The following CACNG5 variants were observed in gnomAD, a reference collection of about 807,000 sequenced individuals.
CACNG5 encodes voltage-dependent calcium channel gamma-5 subunit.
CACNG5 carries 18 observed loss-of-function variants against 24.8 expected under a neutral mutation model. The observed-to-expected ratio is 0.73, with a 90% CI of 0.50 to 1.08. The LOEUF (loss-of-function observed/expected upper bound fraction) is 1.08. Ranked by LOEUF, CACNG5 falls within the 50% of genes least tolerant of loss-of-function variation. The pLI is 0.00. For synonymous variants in CACNG5, 157 were observed against 149.1 expected, an observed-to-expected ratio of 1.05 and a Z score of -0.39; for missense variants, 349 against 367.9, an observed-to-expected ratio of 0.95 and a Z score of 0.42.
At chr17:66,870,214 T>C (rs1297953067) in intron 1 of CACNG5, among the ~76,000 whole-genome samples, 2 of 152,232 alleles carry the variant, frequency 1.3e-5, no homozygotes, top group Non-Finnish European at 1.5e-5. Flanking sequence ...GAGTTTCTCA[T>C]GCAGGTGCAG....
At chr17:66,849,742 G>A (rs8081678) in intron 1 of CACNG5, among the ~76,000 whole-genome samples, 11,707 of 152,206 alleles carry the variant, frequency 0.077, 864 homozygotes, top group African/African-American at 0.19. Flanking sequence ...AAGGAGCCAC[G>A]GAGGTCACAA....
At chr17:66,846,671 G>A (rs893946615) in intron 1 of CACNG5, among the ~76,000 whole-genome samples, 1 of 152,144 alleles carries the variant, frequency 6.6e-6, no homozygotes, top group African/African-American at 2.4e-5. Flanking sequence ...GCTACCACAC[G>A]AATGGAAATT....
At chr17:66,879,134 C>A (rs1377336557) in intron 3 of CACNG5, 76 bp downstream of exon 3, 3 of 1,093,588 alleles carry the variant, frequency 2.7e-6, no homozygotes, top group Non-Finnish European at 4.2e-6. Context: ...AGTCAGTGTG[C>A]CAGCATATTT....
rs918177388 is a variant in CACNG5 at position 66,879,113 on chromosome 17, G to A, written c.283+55G>A. 7 of 1,310,170 alleles carry A rather than the reference G, an allele frequency of 5.3e-6. No individual in the cohort carries two copies. In the African/African-American group the frequency reaches 1.0e-4, roughly 19 times the overall value. 81.2% of individuals were successfully genotyped at this position (1,310,170 alleles called of 1,614,324 possible). ...CACTGGCTGGACAGAGAGGAGCAAG[G>A]CAGAGGGAAGAGTCAGTGTGCCAGC... On this transcript the variant is annotated intron_variant, in intron 3 of 5. Transcript: ENST00000533854.
At chr17:66,884,898 G>T in intron 5 of CACNG5, 85 bp from the exon 6 acceptor site, 1 of 1,613,604 alleles carries the variant, frequency 6.2e-7, no homozygotes, top group South Asian at 1.1e-5. Flanking sequence ...CACCCCACTC[G>T]AGCTGTGTCC....
In CACNG5 at chr17:66,886,585, G is replaced by T. The variant is rs982199134; in HGVS notation, c.*1345G>T. Reference sequence around the variant, plus strand: ...ATTTTGAGTAGCAAAGCAATGCTGTGTGTCGCTGCTGTGCCCGCTCTCTCC... The same window carrying T: ...ATTTTGAGTAGCAAAGCAATGCTGTTTGTCGCTGCTGTGCCCGCTCTCTCC... On this transcript the variant is annotated 3_prime_UTR_variant, in exon 6 of 6. Coordinates refer to ENST00000533854, the MANE Select transcript of CACNG5 (RefSeq NM_145811.3). Among the ~76,000 whole-genome samples the T allele has an allele frequency of 1.4e-4, 21 of 152,206 alleles. No individual in the cohort carries two copies. The highest frequency in any genetic ancestry group is 5.9e-4 in the Admixed American group (9 of 15,286).
At chr17:66,862,656 G>A (rs1480761080) in intron 1 of CACNG5, among the ~76,000 whole-genome samples, 78 of 82,072 alleles carry the variant, frequency 9.5e-4, no homozygotes, top group East Asian at 4.0e-3. Context: ...AACGAGCATC[G>A]CCCGCCCCCC....
Position 66,849,584 on chromosome 17 carries a change from T to G in CACNG5, c.-104+14334T>G, listed in dbSNP as rs1976685446. The stretch of plus-strand genomic sequence containing the variant: ...ACCCTACCTCTGCAGGCTGAATGGC[T>G]GAACACAGGTGGGGGACCACATCCC... On this transcript the variant is annotated intron_variant, in intron 1 of 5. Transcript: ENST00000533854. Among the ~76,000 whole-genome samples, 3 of 152,162 alleles carry G rather than the reference T, an allele frequency of 2.0e-5. No individual in the cohort carries two copies. The South Asian group carries it at 6.2e-4, about 31-fold the overall frequency.
intron 4 of CACNG5, among the ~76,000 whole-genome samples, chr17:66,881,271 T>G (rs915116941): frequency 1.3e-5 from 2 of 152,182 alleles, no homozygotes; most frequent in Non-Finnish European, 2.9e-5. Flanking sequence ...CCTTCCTCAC[T>G]CCACACATCA....
At chr17:66,838,722 A>G (rs1976518410) in intron 1 of CACNG5, among the ~76,000 whole-genome samples, 1 of 152,164 alleles carries the variant, frequency 6.6e-6, no homozygotes, top group African/African-American at 2.4e-5. Context: ...TAACGATGAC[A>G]ACAATGATGA....
intron 4 of CACNG5, among the ~76,000 whole-genome samples, chr17:66,881,339 C>CT (rs1184663068): frequency 1.3e-5 from 2 of 152,138 alleles, no homozygotes; most frequent in Non-Finnish European, 2.9e-5. Flanking sequence ...TTTGAAGGGG[C>CT]TATGTCTTCA....
chr17:66,840,619 C>T (rs1976552539), intron 1 of CACNG5, among the ~76,000 whole-genome samples: 1 of 152,198 alleles, frequency 6.6e-6, no homozygotes. Flanking sequence ...GCAGGTTCAT[C>T]ACTGGAAATG....
chr17:66,862,924 G>GTGTGTA (rs2143078341), intron 1 of CACNG5, among the ~76,000 whole-genome samples: 1 of 151,644 alleles, frequency 6.6e-6, no homozygotes, highest in African/African-American at 2.4e-5. Context: ...GTGTGTGTGT[G>GTGTGTA]TGTGTGTGTG....
In CACNG5 at chr17:66,877,370, G is replaced by A. The variant is rs1333367067; in HGVS notation, c.38G>A (p.Ser13Asn). ...GGGAGGAAGGCCCTGACCCTGCTGA[G>A]CAGTGTCTTTGCTGTCTGTGGCTTG... ...ACGRKALTLL[S>N]SVFAVCGLGL... The change falls in exon 2 of 6, where the codon AGC becomes AAC. Residue 13 changes from serine to asparagine, a missense_variant. Ser to Asn is a conservative substitution (Grantham distance 46). Coordinates refer to ENST00000533854, the MANE Select transcript of CACNG5 (RefSeq NM_145811.3). 6.2e-7 allele frequency: 1 copy of A among 1,614,176 alleles called. No individual in the cohort carries two copies. Among genetic ancestry groups the A allele is most frequent in the Non-Finnish European group, 8.5e-7 (1 of 1,180,022 alleles).
Position 66,880,527 on chromosome 17 carries a change from G to C in CACNG5, c.284-30G>C, listed in dbSNP as rs781022970. On this transcript the variant is annotated intron_variant, in intron 3 of 5. Transcript: ENST00000533854. ...GAGGAATGAATCAGGCCTGGAGGCT[G>C]ACAGGCCGCCCTTTTGTCCCGTTAA... The C allele has an allele frequency of 6.8e-6, 11 of 1,613,782 alleles. No homozygotes were observed. In the South Asian group the frequency reaches 1.2e-4, roughly 18 times the overall value.
chr17:66,836,113 C>T (rs374934234), intron 1 of CACNG5, among the ~76,000 whole-genome samples: 219 of 152,260 alleles, frequency 1.4e-3, no homozygotes, highest in African/African-American at 4.9e-3. Context: ...AGGGCTGCCC[C>T]GGGGCTGCCT....
rs951732588 is a variant in CACNG5 at position 66,893,782 on chromosome 17, A to G, written c.*8542A>G. 6.8e-6 allele frequency among the ~76,000 whole-genome samples: 1 copy of G among 147,318 alleles called. No individual in the cohort carries two copies. The highest frequency in any genetic ancestry group is 3.2e-3 in the Middle Eastern group (1 of 310). On this transcript the variant is annotated 3_prime_UTR_variant, in exon 6 of 6. Coordinates refer to ENST00000533854, the MANE Select transcript of CACNG5 (RefSeq NM_145811.3). ...GCTGGAGAGGAGGAAGAGATGTTTCATTTGTTCACAATGTTTCCTGAAGCA... is the reference window on the plus strand; with the variant it reads ...GCTGGAGAGGAGGAAGAGATGTTTCGTTTGTTCACAATGTTTCCTGAAGCA...
chr17:66,877,139 G>C, intron 1 of CACNG5, 91 bp from the exon 2 acceptor site: 1 of 569,852 alleles, frequency 1.8e-6, no homozygotes. Flanking sequence ...GTGACCTGGT[G>C]TCCAGGGGGT....
chr17:66,869,192 T>C (rs1460767036), intron 1 of CACNG5, among the ~76,000 whole-genome samples: 1 of 152,168 alleles, frequency 6.6e-6, no homozygotes, highest in Non-Finnish European at 1.5e-5. Flanking sequence ...CTAGTGATTC[T>C]TGTGCCTCAG....
Sources: gnomAD v4.1 joint callset for allele counts (sites outside exome capture counted in the v4.1 genomes callset) on GRCh38, gnomAD v4.1.1 for gene constraint, MANE v1.5 for transcripts, NCBI Gene and HGNC (gene_info 2026-07-23, HGNC 2026-07-21) for gene names.